Variants in POFUT3 observed in about 807,000 individuals in gnomAD.
The protein encoded by POFUT3 is protein O-fucosyltransferase 3.
At chr8:33,388,510 T>A in the POFUT3 span, among the ~76,000 whole-genome samples, 1 of 152,064 alleles carries the variant, frequency 6.6e-6, no homozygotes, top group South Asian at 2.1e-4. Context: ...CTAATTTTTA[T>A]ATTTTTAGTA....
chr8:33,452,003 C>T, the POFUT3 span: 4 of 151,934 alleles, frequency 2.6e-5, no homozygotes, highest in African/African-American at 4.8e-5. Context: ...ATGGGGATTA[C>T]AATTCAAGAT....
the POFUT3 span, among the ~76,000 whole-genome samples, chr8:33,458,319 T>A: frequency 6.6e-6 from 1 of 152,224 alleles, no homozygotes. Context: ...AGTATTTTGT[T>A]ACAGCAGCGC....
the POFUT3 span, among the ~76,000 whole-genome samples, chr8:33,422,581 T>C: frequency 3.3e-5 from 5 of 149,794 alleles, no homozygotes; most frequent in African/African-American, 1.2e-4. Flanking sequence ...AACCACAGTT[T>C]TCAGTTTCCA....
At chr8:33,466,544 G>T in the POFUT3 span, among the ~76,000 whole-genome samples, 1 of 152,136 alleles carries the variant, frequency 6.6e-6, no homozygotes, top group Non-Finnish European at 1.5e-5. Flanking sequence ...GCAGGGCAGG[G>T]CCCAGCCAGG....
At chr8:33,332,067 C>T in the POFUT3 span, among the ~76,000 whole-genome samples, 6 of 151,056 alleles carry the variant, frequency 4.0e-5, no homozygotes, top group African/African-American at 1.5e-4. Context: ...CAAGTGGGCC[C>T]AGGAGATAGA....
At chr8:33,376,721 C>A in the POFUT3 span, among the ~76,000 whole-genome samples, 1 of 152,246 alleles carries the variant, frequency 6.6e-6, no homozygotes, top group East Asian at 1.9e-4. Context: ...CTATGAATAT[C>A]AAGTTCAAAG....
chr8:33,319,893 G>T, the POFUT3 span, among the ~76,000 whole-genome samples: 1 of 147,600 alleles, frequency 6.8e-6, no homozygotes, highest in African/African-American at 2.5e-5. Flanking sequence ...AGCTGCACCT[G>T]GACTTGAGTT....
the POFUT3 span, among the ~76,000 whole-genome samples, chr8:33,445,840 A>G: frequency 1.3e-5 from 2 of 152,164 alleles, no homozygotes; most frequent in Non-Finnish European, 2.9e-5. Context: ...AGGAAAAGAA[A>G]CTATAAAAGC....
At chr8:33,447,537 A>C in the POFUT3 span, among the ~76,000 whole-genome samples, 2 of 152,188 alleles carry the variant, frequency 1.3e-5, no homozygotes, top group Admixed American at 6.5e-5. Context: ...TGGCTAGAGA[A>C]TTGTTAATGT....
At chr8:33,331,680 T>C in the POFUT3 span, among the ~76,000 whole-genome samples, 474 of 152,016 alleles carry the variant, frequency 3.1e-3, 2 homozygotes, top group African/African-American at 0.011. Flanking sequence ...TTGTTGTTGT[T>C]GTTGTTGTTT....
At chr8:33,370,057 C>T in the POFUT3 span, among the ~76,000 whole-genome samples, 10 of 151,404 alleles carry the variant, frequency 6.6e-5, no homozygotes, top group East Asian at 7.8e-4. Flanking sequence ...AATGGCCAGG[C>T]GCAGTGGCTC....
chr8:33,437,669 G>A, the POFUT3 span, among the ~76,000 whole-genome samples: 1 of 152,112 alleles, frequency 6.6e-6, no homozygotes, highest in African/African-American at 2.4e-5. Flanking sequence ...AAATTAGCTG[G>A]GCATTGTGGC....
chr8:33,456,731 A>G, the POFUT3 span, among the ~76,000 whole-genome samples: 1 of 151,924 alleles, frequency 6.6e-6, no homozygotes, highest in Non-Finnish European at 1.5e-5. Context: ...CATGACATGG[A>G]ATAAAAAGTG....
At chr8:33,436,502 C>T in the POFUT3 span, 60 of 1,257,070 alleles carry the variant, frequency 4.8e-5, no homozygotes, top group Non-Finnish European at 6.5e-5. Flanking sequence ...CTGGCTTCCA[C>T]ACTGATGTTT....
the POFUT3 span, among the ~76,000 whole-genome samples, chr8:33,309,158 A>T: frequency 6.0e-4 from 28 of 46,316 alleles, no homozygotes; most frequent in African/African-American, 3.4e-3. Context: ...AAAAAAAAAA[A>T]AAAAAAAAAA....
the POFUT3 span, among the ~76,000 whole-genome samples, chr8:33,455,469 C>A: frequency 5.3e-5 from 8 of 152,002 alleles, no homozygotes; most frequent in African/African-American, 1.9e-4. Context: ...GGCTGCAGTG[C>A]GGTATGATTG....
At chr8:33,322,106 A>G in the POFUT3 span, among the ~76,000 whole-genome samples, 2 of 152,118 alleles carry the variant, frequency 1.3e-5, no homozygotes, top group Admixed American at 1.3e-4. Flanking sequence ...TGCTGGAGCT[A>G]TCATTTGGTT....
the POFUT3 span, among the ~76,000 whole-genome samples, chr8:33,464,318 TA>T: frequency 1.3e-5 from 2 of 152,160 alleles, no homozygotes; most frequent in African/African-American, 4.8e-5. Context: ...TTGAGTAACC[TA>T]TCATTGGCAA....
chr8:33,330,886 A>G, the POFUT3 span, among the ~76,000 whole-genome samples: 6 of 151,988 alleles, frequency 3.9e-5, no homozygotes, highest in Admixed American at 6.6e-5. Flanking sequence ...GTTCATCTCA[A>G]TTGGGCTTCC....
Sources: allele counts gnomAD v4.1 joint callset (sites outside exome capture counted in the v4.1 genomes callset), GRCh38; gene constraint gnomAD v4.1.1; transcripts MANE v1.5; gene names NCBI Gene and HGNC (gene_info 2026-07-23, HGNC 2026-07-21).